ANO3: variants seen among roughly 807,000 people sequenced by gnomAD.
ANO3 encodes the protein anoctamin 3, also known as anoctamin-3.
ANO3 carries 99 observed loss-of-function variants against 144.8 expected under a neutral mutation model. The observed-to-expected ratio is 0.68, with a 90% CI of 0.58 to 0.81. The LOEUF is 0.81. ANO3 is among the 30% of genes least tolerant of loss of function. The pLI is 0.00. For synonymous variants in ANO3, 414 were observed against 392.6 expected (o/e 1.05, Z -0.64); for missense variants, 905 against 1,202.2 (o/e 0.75, Z 3.66).
intron 3 of ANO3, among the ~76,000 whole-genome samples, chr11:26,448,912 G>C (rs767773946): frequency 6.6e-6 from 1 of 151,114 alleles, no homozygotes; most frequent in Non-Finnish European, 1.5e-5. Flanking sequence ...CTTCCGAACA[G>C]ATCTCCCTGC....
At chr11:26,594,895 C>T (rs1349442992) in intron 14 of ANO3, among the ~76,000 whole-genome samples, 1 of 152,114 alleles carries the variant, frequency 6.6e-6, no homozygotes, top group Non-Finnish European at 1.5e-5. Context: ...CCTCAGGGGG[C>T]CAGGTTTCTC....
intron 18 of ANO3, among the ~76,000 whole-genome samples, chr11:26,632,361 C>A (rs549378557): frequency 1.3e-5 from 2 of 150,438 alleles, no homozygotes; most frequent in South Asian, 4.2e-4. Context: ...CCAAAAAATA[C>A]AAAACTTAGC....
intron 1 of ANO3, among the ~76,000 whole-genome samples, chr11:26,440,562 A>G (rs1192743006): frequency 6.6e-6 from 1 of 152,158 alleles, no homozygotes; most frequent in East Asian, 1.9e-4. Context: ...AGGAAACATG[A>G]AGAATGAACT....
intron 3 of ANO3, among the ~76,000 whole-genome samples, chr11:26,455,324 C>A (rs1039003489): frequency 2.0e-5 from 3 of 150,398 alleles, no homozygotes; most frequent in Non-Finnish European, 4.4e-5. Context: ...TCTAGAAAAC[C>A]CCATTGTCTC....
chr11:26,607,506 G>T (rs553785992), intron 17 of ANO3, among the ~76,000 whole-genome samples: 2 of 152,106 alleles, frequency 1.3e-5, no homozygotes, highest in African/African-American at 4.8e-5. Context: ...CAGAGGCTTT[G>T]TTTATTCCTT....
At chr11:26,488,732 A>T (rs995329353) in intron 4 of ANO3, among the ~76,000 whole-genome samples, 6 of 152,194 alleles carry the variant, frequency 3.9e-5, no homozygotes, top group African/African-American at 1.4e-4. Context: ...TACAGCTTGT[A>T]AAGGTAGTGT....
At chr11:26,326,713 C>A (rs1317880699) in intron 1 of ANO3, among the ~76,000 whole-genome samples, 1 of 152,122 alleles carries the variant, frequency 6.6e-6, no homozygotes, top group African/African-American at 2.4e-5. Context: ...CATCTTTCTA[C>A]AAACACCTAA....
At chr11:26,559,019 A>G (rs1361358154) in intron 13 of ANO3, 3 of 152,320 alleles carry the variant, frequency 2.0e-5, no homozygotes, top group Admixed American at 6.5e-5. Context: ...ATGCAAATGC[A>G]AACAAGCAAA....
chr11:26,544,251 C>CACATATATATATAT (rs1183023481), intron 11 of ANO3, among the ~76,000 whole-genome samples: 529 of 38,356 alleles, frequency 0.014, 18 homozygotes, highest in African/African-American at 0.023. Flanking sequence ...TTTCATTATA[C>CACATATATATATAT]ATATATATAT....
intron 3 of ANO3, among the ~76,000 whole-genome samples, chr11:26,445,660 A>C (rs979500874): frequency 6.6e-6 from 1 of 152,100 alleles, no homozygotes; most frequent in Non-Finnish European, 1.5e-5. Flanking sequence ...GTTAAAATAC[A>C]TACAAATGAT....
At chr11:26,383,024 G>T (rs1856628321) in intron 1 of ANO3, among the ~76,000 whole-genome samples, 1 of 152,046 alleles carries the variant, frequency 6.6e-6, no homozygotes, top group East Asian at 1.9e-4. Context: ...TCCAGACTAG[G>T]AAACAGGTAT....
intron 1 of ANO3, among the ~76,000 whole-genome samples, chr11:26,219,040 G>A (rs7116694): frequency 0.3 from 45,994 of 152,024 alleles, 7,704 homozygotes; most frequent in Non-Finnish European, 0.37. Context: ...ATAATTCTCT[G>A]TTGCAGGGGG....
chr11:26,654,854 T>C (rs1264339324), intron 24 of ANO3, among the ~76,000 whole-genome samples: 1 of 152,240 alleles, frequency 6.6e-6, no homozygotes, highest in Non-Finnish European at 1.5e-5. Context: ...TATGATCATA[T>C]GATTTTCTTT....
At chr11:26,297,145 C>G (rs1003002014) in intron 1 of ANO3, among the ~76,000 whole-genome samples, 1 of 151,764 alleles carries the variant, frequency 6.6e-6, no homozygotes, top group Non-Finnish European at 1.5e-5. Context: ...TGTGTTCTTT[C>G]TTCTTCTGGC....
intron 1 of ANO3, among the ~76,000 whole-genome samples, chr11:26,414,546 C>T (rs1170016896): frequency 6.6e-6 from 1 of 151,682 alleles, no homozygotes. Context: ...ACAATGAGAA[C>T]TCATGGACAC....
intron 1 of ANO3, among the ~76,000 whole-genome samples, chr11:26,371,089 T>C (rs921908895): frequency 2.6e-5 from 4 of 152,158 alleles, no homozygotes; most frequent in Non-Finnish European, 5.9e-5. Flanking sequence ...ATCGCAGGCC[T>C]GGAGGCCTAG....
At chr11:26,216,350 C>CT (rs1386050315) in intron 1 of ANO3, among the ~76,000 whole-genome samples, 1 of 151,904 alleles carries the variant, frequency 6.6e-6, no homozygotes, top group African/African-American at 2.4e-5. Flanking sequence ...AACCACTGAT[C>CT]TTTTTTACCA....
chr11:26,447,508 G>T (rs576358796), intron 3 of ANO3, among the ~76,000 whole-genome samples: 185 of 152,210 alleles, frequency 1.2e-3, no homozygotes, highest in African/African-American at 4.3e-3. Context: ...AGCCACAAAG[G>T]CCTTAAGGTA....
chr11:26,416,244 A>G (rs1857582865), intron 1 of ANO3, among the ~76,000 whole-genome samples: 1 of 152,110 alleles, frequency 6.6e-6, no homozygotes, highest in African/African-American at 2.4e-5. Flanking sequence ...AATAATGGAC[A>G]AATAATGCTA....
Sources: allele counts gnomAD v4.1 joint callset (sites outside exome capture counted in the v4.1 genomes callset), GRCh38; gene constraint gnomAD v4.1.1; transcripts MANE v1.5; gene names NCBI Gene and HGNC (gene_info 2026-07-23, HGNC 2026-07-21).